The following AREL1 variants were observed in gnomAD, a reference collection of about 807,000 sequenced individuals.
AREL1 encodes apoptosis-resistant E3 ubiquitin protein ligase 1.
AREL1 carries 62 observed loss-of-function variants against 99.0 expected under a neutral mutation model. The ratio of observed to expected loss-of-function variants is 0.63; its 90% CI spans 0.51 to 0.77. The LOEUF (loss-of-function observed/expected upper bound fraction) is 0.77. Ranked by LOEUF, AREL1 falls within the 30% of genes least tolerant of loss-of-function variation. The pLI is 0.00. For synonymous variants in AREL1, 380 were observed against 376.5 expected (o/e 1.01, Z -0.11); for missense variants, 879 against 1,027.6 (o/e 0.86, Z 1.98).
chr14:74,690,096 A>T (rs2089842492), intron 2 of AREL1, among the ~76,000 whole-genome samples: 1 of 151,650 alleles, frequency 6.6e-6, no homozygotes, highest in African/African-American at 2.4e-5. Flanking sequence ...AAAACTTGAA[A>T]ACAAATTAGC....
At chr14:74,667,928 T>C (rs2089244593) in intron 15 of AREL1, among the ~76,000 whole-genome samples, 1 of 152,252 alleles carries the variant, frequency 6.6e-6, no homozygotes, top group Non-Finnish European at 1.5e-5. Flanking sequence ...ATGAAACCAC[T>C]ATTGACCTCT....
Position 74,670,107 on chromosome 14 carries a change from C to T in AREL1, c.1628G>A (p.Arg543His), listed in dbSNP as rs748168958. ...CATTTTCAGGCGCAGATGAGCGGGG[C>T]GATTAGGGTTGGGATGCACCTGTCC... Reference protein sequence around the residue: ...NQALVHPNPNRPAHLRLKMYE... With the variant: ...NQALVHPNPNHPAHLRLKMYE... Residue 543 changes from arginine (R) to histidine (H), a missense_variant, in exon 14 of 20, where the codon CGC becomes CAC. Transcript: ENST00000356357. 8.1e-6 allele frequency: 13 copies of T among 1,610,146 alleles called. No individual in the cohort carries two copies. The highest frequency in any genetic ancestry group is 3.4e-5 in the Admixed American group (2 of 59,636).
chr14:74,684,434 A>G lies in AREL1; in HGVS notation c.243+20T>C. The G allele has an allele frequency of 6.2e-7, 1 of 1,610,804 alleles. No homozygotes were observed. Among genetic ancestry groups the G allele is most frequent in the East Asian group, 2.2e-5 (1 of 44,868 alleles). On this transcript the variant is annotated intron_variant, in intron 4 of 19. Transcript: ENST00000356357. The stretch of plus-strand genomic sequence containing the variant: ...TACTCAGAAACCCCAATGGGTATGG[A>G]GACAGAAACATTCCCTTACATGCAC...
intron 1 of AREL1, among the ~76,000 whole-genome samples, chr14:74,694,772 G>A (rs1188511995): frequency 1.3e-5 from 2 of 152,020 alleles, no homozygotes; most frequent in Non-Finnish European, 2.9e-5. Context: ...GGCGGATCAT[G>A]AGGTCAGGAG....
rs762441110 is a variant in AREL1 at position 74,683,531 on chromosome 14, T to C, written c.246A>G (p.Leu82=). ...VGHSMAFRVH[L]FYKNGQPFPA... ...GGAAAGGCTGCCCGTTCTTATAGAA[T>C]AACTGCCATGGGGAGAAGAAGGACA... The change falls in exon 5 of 20, where the codon TTA becomes TTG. Residue 82 remains leucine, a splice_region_variant and synonymous_variant. Coordinates refer to ENST00000356357, the MANE Select transcript of AREL1 (RefSeq NM_001039479.2). 1 of 1,613,756 alleles carries C rather than the reference T, an allele frequency of 6.2e-7. No homozygotes were observed. The highest frequency in any genetic ancestry group is 2.2e-5 in the East Asian group (1 of 44,858).
At chr14:74,690,248 A>G (rs1426347316) in intron 2 of AREL1, among the ~76,000 whole-genome samples, 1 of 140,276 alleles carries the variant, frequency 7.1e-6, no homozygotes, top group African/African-American at 2.6e-5. Flanking sequence ...TGCACAACAG[A>G]GCAAGACCCT....
Position 74,676,255 on chromosome 14 carries a change from T to A in AREL1, c.718A>T (p.Thr240Ser), listed in dbSNP as rs374368566. The stretch of plus-strand genomic sequence containing the variant: ...GTGAGTCGCAAGAACACCTGGAAAG[T>A]CTGCCTGTTGGATGTTACTGATTTC... The part of the protein sequence containing the change: ...FEKSVTSNRQ[T>S]FQVFLRLTLH... The change falls in exon 7 of 20, where the codon ACT (threonine) becomes TCT (serine). Residue 240 changes from threonine (T) to serine (S), a missense_variant. By Grantham distance (58) the Thr-to-Ser change is moderately conservative. Transcript: ENST00000356357. 6.2e-7 allele frequency: 1 copy of A among 1,614,090 alleles called. No individual in the cohort carries two copies. Among genetic ancestry groups the A allele is most frequent in the African/African-American group, 1.3e-5 (1 of 74,926 alleles).
In AREL1 at chr14:74,702,488, C is replaced by T. The variant is rs924820100; in HGVS notation, c.-333-10160G>A. Among the ~76,000 whole-genome samples the T allele has an allele frequency of 5.9e-5, 9 of 152,312 alleles. No homozygotes were observed. In the East Asian group the frequency reaches 1.4e-3, roughly 23 times the overall value. On this transcript the variant is annotated intron_variant, in intron 1 of 19. Coordinates refer to ENST00000356357, the MANE Select transcript of AREL1 (RefSeq NM_001039479.2). ...GCAACTGGGGCACAGGGCACCAAGT[C>T]CCTACACTGCACACAGCAGGGGGGA...
intron 5 of AREL1, among the ~76,000 whole-genome samples, chr14:74,681,048 TG>T (rs1362873137): frequency 6.6e-6 from 1 of 152,070 alleles, no homozygotes; most frequent in Admixed American, 6.6e-5. Context: ...TAACCGAGCG[TG>T]GTGGTGCACA....
At chr14:74,711,015 T>A (rs2090270340) in intron 1 of AREL1, among the ~76,000 whole-genome samples, 1 of 152,074 alleles carries the variant, frequency 6.6e-6, no homozygotes, top group African/African-American at 2.4e-5. Flanking sequence ...GCGGATCACC[T>A]GAGGTCGGGA....
Position 74,664,819 on chromosome 14 carries a change from A to T in AREL1, c.2193+17T>A. ...AACATGGCACAAATCCAACTGAAAGAAGTTTGGTCCATTTACCTTTTCTCT... is the reference window on the plus strand; with the variant it reads ...AACATGGCACAAATCCAACTGAAAGTAGTTTGGTCCATTTACCTTTTCTCT... On this transcript the variant is annotated intron_variant, in intron 18 of 19. Transcript: ENST00000356357. 1 of 1,609,394 alleles carries T rather than the reference A, an allele frequency of 6.2e-7. No individual in the cohort carries two copies. Among genetic ancestry groups the T allele is most frequent in the African/African-American group, 1.3e-5 (1 of 74,854 alleles).
intron 11 of AREL1, among the ~76,000 whole-genome samples, chr14:74,671,770 A>C (rs549998616): frequency 6.6e-6 from 1 of 152,288 alleles, no homozygotes; most frequent in African/African-American, 2.4e-5. Context: ...TCCTTGTTTT[A>C]GCAATGAAAA....
At chr14:74,682,066 G>C (rs1018894629) in intron 5 of AREL1, among the ~76,000 whole-genome samples, 1 of 152,192 alleles carries the variant, frequency 6.6e-6, no homozygotes, top group African/African-American at 2.4e-5. Flanking sequence ...GTAAGGGTAT[G>C]AGCTGTTCTC....
Position 74,684,551 on chromosome 14 carries a change from T to C in AREL1, c.146A>G (p.Tyr49Cys). Residue 49 changes from tyrosine (Y) to cysteine (C), a missense_variant, in exon 4 of 20, where the codon TAC (tyrosine) becomes TGC (cysteine). Physicochemically the swap from Tyr to Cys is radical, Grantham distance 194. Coordinates refer to ENST00000356357, the MANE Select transcript of AREL1 (RefSeq NM_001039479.2). The part of the protein sequence containing the change: ...ERRGDRTIYD[Y>C]VRGNYLDPRS... The stretch of plus-strand genomic sequence containing the variant: ...GGGATCCAGGTAATTTCCCCGCACG[T>C]AGTCATAAATAGTCCGGTCCCCTCG... 6.2e-7 allele frequency: 1 copy of C among 1,614,086 alleles called. No homozygotes were observed. Among genetic ancestry groups the C allele is most frequent in the Non-Finnish European group, 8.5e-7 (1 of 1,180,018 alleles).
At position 74,670,124 on chromosome 14, in the gene AREL1, C is replaced by A; in HGVS notation, c.1611G>T (p.Val537=). 6.3e-7 allele frequency: 1 copy of A among 1,598,144 alleles called. No individual in the cohort carries two copies. Among genetic ancestry groups the A allele is most frequent in the Non-Finnish European group, 8.5e-7 (1 of 1,170,858 alleles). The change falls in exon 14 of 20, where the codon GTG becomes GTT. Residue 537 remains valine (V), a splice_region_variant and synonymous_variant. Transcript: ENST00000356357. ...TRFSDNNQAL[V]HPNPNRPAHL... is the part of the protein sequence containing the mutation. Reference sequence around the variant, plus strand: ...GAGCGGGGCGATTAGGGTTGGGATGCACCTGTCCAAGAAAGAGACTGAAAG... The same window carrying A: ...GAGCGGGGCGATTAGGGTTGGGATGAACCTGTCCAAGAAAGAGACTGAAAG...
Position 74,690,218 on chromosome 14 carries a change from C to CCACTG in AREL1, c.-46+1818_-46+1822dup, listed in dbSNP as rs2089845391. On this transcript the variant is annotated intron_variant, in intron 2 of 19. Coordinates refer to ENST00000356357, the MANE Select transcript of AREL1 (RefSeq NM_001039479.2). ...AAGGCTGCAGTGAGCCCTGATGGCA[C>CCACTG]CACTGCACTGCACTCCAACTGCACA... 2.1e-5 allele frequency among the ~76,000 whole-genome samples: 3 copies of CCACTG among 146,088 alleles called. No individual in the cohort carries two copies. In the Admixed American group the frequency reaches 2.1e-4, roughly 10 times the overall value.
intron 2 of AREL1, among the ~76,000 whole-genome samples, chr14:74,689,146 C>T (rs569758370): frequency 3.6e-4 from 54 of 152,040 alleles, no homozygotes; most frequent in Non-Finnish European, 7.2e-4. Flanking sequence ...CCACGCCCAG[C>T]CAGGCCTCCC....
intron 13 of AREL1, 90 bp downstream of exon 13, chr14:74,670,672 G>GGA (rs2089314083): frequency 9.3e-7 from 1 of 1,078,720 alleles, no homozygotes; most frequent in African/African-American, 1.6e-5. Context: ...AGGTTGTCAG[G>GGA]TTCCCAGATC....
intron 7 of AREL1, 52 bp from the exon 8 acceptor site, chr14:74,675,998 A>T (rs2089463997): frequency 6.5e-7 from 1 of 1,537,708 alleles, no homozygotes; most frequent in East Asian, 2.3e-5. Context: ...GAAGAAAAAA[A>T]TTACCTATCA....
Sources: gnomAD v4.1 joint callset for allele counts (sites outside exome capture counted in the v4.1 genomes callset) on GRCh38, gnomAD v4.1.1 for gene constraint, MANE v1.5 for transcripts, NCBI Gene and HGNC (gene_info 2026-07-23, HGNC 2026-07-21) for gene names.